The following USP10 variants were observed in gnomAD, a reference collection of about 807,000 sequenced individuals.
USP10 encodes the protein ubiquitin carboxyl-terminal hydrolase 10.
In USP10, 22 loss-of-function variants were observed where a neutral mutation model predicts 84.5. That is an observed-to-expected ratio of 0.26 (90% CI 0.19 to 0.37). The LOEUF is 0.37. Ranked by LOEUF, USP10 falls within the 10% of genes least tolerant of loss-of-function variation. The pLI is 1.00. For synonymous variants in USP10, 454 were observed against 387.6 expected, an observed-to-expected ratio of 1.17 and a Z score of -2.01; for missense variants, 1,019 against 998.9, an observed-to-expected ratio of 1.02 and a Z score of -0.27.
intron 4 of USP10, among the ~76,000 whole-genome samples, chr16:84,754,260 G>A (rs907664888): frequency 1.3e-5 from 2 of 151,954 alleles, no homozygotes; most frequent in Non-Finnish European, 2.9e-5. Flanking sequence ...AGAATGATAC[G>A]GTATTTTAGT....
intron 1 of USP10, among the ~76,000 whole-genome samples, chr16:84,710,479 G>C (rs756912033): frequency 6.6e-6 from 1 of 152,134 alleles, no homozygotes; most frequent in Non-Finnish European, 1.5e-5. Flanking sequence ...AGATTAATGT[G>C]AGGCAGGTAG....
At chr16:84,753,472 T>C (rs994850646) in intron 4 of USP10, among the ~76,000 whole-genome samples, 1 of 152,224 alleles carries the variant, frequency 6.6e-6, no homozygotes, top group Non-Finnish European at 1.5e-5. Flanking sequence ...CTGGCCGTCA[T>C]GCCGGGAGTG....
chr16:84,778,848 G>C (rs751935954), intron 13 of USP10, 47 bp from the exon 14 acceptor site: 31 of 1,561,124 alleles, frequency 2.0e-5, no homozygotes, highest in Non-Finnish European at 2.6e-5. Context: ...GTAATGATTC[G>C]TGTGCAGTGC....
At chr16:84,738,323 T>A (rs541383367) in intron 2 of USP10, among the ~76,000 whole-genome samples, 1 of 152,324 alleles carries the variant, frequency 6.6e-6, no homozygotes, top group African/African-American at 2.4e-5. Flanking sequence ...AATAGAGTGA[T>A]TCAAAACACT....
intron 4 of USP10, among the ~76,000 whole-genome samples, chr16:84,746,500 C>T (rs976219802): frequency 7.2e-5 from 11 of 152,372 alleles, no homozygotes; most frequent in Admixed American, 7.2e-4. Context: ...CTACTGAATA[C>T]TGTAGGCAGT....
intron 1 of USP10, among the ~76,000 whole-genome samples, chr16:84,703,012 AAG>A (rs1491341439): frequency 6.6e-5 from 10 of 150,768 alleles, no homozygotes; most frequent in African/African-American, 2.0e-4. Flanking sequence ...AAAAAAAAAA[AAG>A]AGCGAAACTC....
intron 1 of USP10, among the ~76,000 whole-genome samples, chr16:84,703,291 C>T (rs374003605): frequency 1.3e-5 from 2 of 152,020 alleles, no homozygotes; most frequent in African/African-American, 2.4e-5. Flanking sequence ...TGCCTTACAC[C>T]GAAAAAATAT....
chr16:84,778,402 G>T (rs1378517129), intron 13 of USP10, among the ~76,000 whole-genome samples: 1 of 152,158 alleles, frequency 6.6e-6, no homozygotes, highest in African/African-American at 2.4e-5. Flanking sequence ...AAAATAAATT[G>T]TGTTATTTTA....
chr16:84,777,755 C>G (rs530388053), intron 13 of USP10, among the ~76,000 whole-genome samples: 1 of 152,220 alleles, frequency 6.6e-6, no homozygotes, highest in Non-Finnish European at 1.5e-5. Flanking sequence ...GTGACAACTG[C>G]GACTAGAACC....
At chr16:84,759,566 C>A (rs1912959585) in intron 6 of USP10, 94 bp downstream of exon 6, 3 of 1,131,328 alleles carry the variant, frequency 2.7e-6, no homozygotes, top group African/African-American at 1.5e-5. Context: ...TGATTTCCTG[C>A]AAATGAGTCC....
intron 1 of USP10, among the ~76,000 whole-genome samples, chr16:84,725,139 A>G (rs79196683): frequency 0.06 from 9,133 of 152,210 alleles, 316 homozygotes; most frequent in African/African-American, 0.092. Context: ...TCCATTTTAG[A>G]ACATTTCATC....
intron 1 of USP10, chr16:84,732,444 CTTT>C (rs762146698): frequency 2.6e-4 from 84 of 317,762 alleles, no homozygotes; most frequent in East Asian, 3.5e-4. Context: ...TCTTCTTCTT[CTTT>C]TTTTTTTTTT....
chr16:84,748,614 T>C (rs764040107), intron 4 of USP10, among the ~76,000 whole-genome samples: 2 of 152,210 alleles, frequency 1.3e-5, no homozygotes, highest in Non-Finnish European at 2.9e-5. Context: ...GAGAATATTA[T>C]AGTTTCGTTT....
chr16:84,735,051 G>C (rs180680851), intron 2 of USP10, among the ~76,000 whole-genome samples: 3 of 151,498 alleles, frequency 2.0e-5, no homozygotes, highest in East Asian at 3.9e-4. Flanking sequence ...TTTTTTTCGA[G>C]ACAGGGTCTC....
intron 5 of USP10, 100 bp from the exon 6 acceptor site, chr16:84,759,263 C>A: frequency 1.8e-6 from 2 of 1,122,000 alleles, no homozygotes; most frequent in African/African-American, 1.5e-5. Flanking sequence ...ACGTCCTTAG[C>A]TTCCTTGTGT....
intron 1 of USP10, among the ~76,000 whole-genome samples, chr16:84,714,931 T>TATC (rs1906810032): frequency 1.4e-5 from 2 of 146,880 alleles, no homozygotes; most frequent in Non-Finnish European, 3.0e-5. Flanking sequence ...TTATTATTAT[T>TATC]ATTATTTTTT....
At chr16:84,715,111 G>A (rs1006678293) in intron 1 of USP10, among the ~76,000 whole-genome samples, 1 of 151,910 alleles carries the variant, frequency 6.6e-6, no homozygotes, top group Admixed American at 6.6e-5. Context: ...ATATTTTTTA[G>A]TAGAGATGGG....
chr16:84,778,197 G>A (rs940125330), intron 13 of USP10, among the ~76,000 whole-genome samples: 2 of 151,766 alleles, frequency 1.3e-5, no homozygotes, highest in Admixed American at 6.6e-5. Flanking sequence ...TCTCCGCAGT[G>A]CCCCACCACA....
chr16:84,719,491 G>T (rs1196456821), intron 1 of USP10, among the ~76,000 whole-genome samples: 3 of 152,242 alleles, frequency 2.0e-5, no homozygotes, highest in South Asian at 4.1e-4. Context: ...ATTGTTGCAG[G>T]TGTGGCCTGA....
Sources: allele counts gnomAD v4.1 joint callset (sites outside exome capture counted in the v4.1 genomes callset), GRCh38; gene constraint gnomAD v4.1.1; transcripts MANE v1.5; gene names NCBI Gene and HGNC (gene_info 2026-07-23, HGNC 2026-07-21).